The following POGZ variants were observed in gnomAD, a reference collection of about 807,000 sequenced individuals.
The protein encoded by POGZ is pogo transposable element with ZNF domain.
In POGZ, 17 loss-of-function variants were observed where a neutral mutation model predicts 134.6. The observed-to-expected ratio is 0.13, with a 90% CI of 0.09 to 0.19. POGZ has a LOEUF of 0.19. Ranked by LOEUF, POGZ falls within the 10% of genes least tolerant of loss-of-function variation. The probability of loss-of-function intolerance (pLI) is 1.00; values close to 1 mark genes in which losing one functional copy is unlikely to be tolerated. For missense variants in POGZ, 1,306 were observed against 1,769.7 expected (o/e 0.74, Z 4.70); for synonymous variants, 693 against 657.1 (o/e 1.05, Z -0.84).
Position 151,404,559 on chromosome 1 carries a change from G to GT in POGZ, c.*242dup. The GT allele has an allele frequency of 8.4e-7, 1 of 1,184,886 alleles. No individual in the cohort carries two copies. Among genetic ancestry groups the GT allele is most frequent in the Non-Finnish European group, 1.0e-6 (1 of 958,224 alleles). 73.4% of individuals were successfully genotyped at this position (1,184,886 alleles called of 1,614,324 possible). ...AAAAAAAAAAAAGTCACAAAAACCTGTTTTTAGCAGAAGTGAATGACCAAT... is the reference window on the plus strand; with the variant it reads ...AAAAAAAAAAAAGTCACAAAAACCTGTTTTTTAGCAGAAGTGAATGACCAAT... On this transcript the variant is annotated 3_prime_UTR_variant, in exon 19 of 19. Transcript: ENST00000271715.
chr1:151,448,799 A>G (rs1346838637), intron 1 of POGZ, among the ~76,000 whole-genome samples: 1 of 152,178 alleles, frequency 6.6e-6, no homozygotes, highest in Non-Finnish European at 1.5e-5. Context: ...CAGGAGGTGG[A>G]GGCTGAAGTG....
chr1:151,431,205 A>G (rs1005524434), intron 3 of POGZ, among the ~76,000 whole-genome samples: 3 of 152,200 alleles, frequency 2.0e-5, no homozygotes, highest in African/African-American at 7.2e-5. Context: ...AGAAAAACAG[A>G]TGGGTAGGGG....
intron 3 of POGZ, among the ~76,000 whole-genome samples, chr1:151,436,250 G>A (rs1250100920): frequency 1.3e-5 from 2 of 151,988 alleles, no homozygotes; most frequent in African/African-American, 2.4e-5. Context: ...GAGCCACCGC[G>A]CCTGGCCTAG....
intron 10 of POGZ, among the ~76,000 whole-genome samples, chr1:151,423,046 T>G (rs1043065587): frequency 1.3e-5 from 2 of 152,242 alleles, no homozygotes; most frequent in African/African-American, 4.8e-5. Flanking sequence ...TTAGCCTACA[T>G]AAAACCTATC....
intron 1 of POGZ, among the ~76,000 whole-genome samples, chr1:151,458,405 G>A (rs1243909320): frequency 9.2e-5 from 14 of 152,072 alleles, no homozygotes; most frequent in Non-Finnish European, 5.9e-5. Context: ...TGGGGACCGA[G>A]GGAGGAGACT....
chr1:151,410,108 TCTTA>T (rs1199317040), intron 12 of POGZ, among the ~76,000 whole-genome samples: 2 of 152,184 alleles, frequency 1.3e-5, no homozygotes, highest in Non-Finnish European at 2.9e-5. Context: ...TTGAATCCTC[TCTTA>T]TATACTATAT....
intron 10 of POGZ, among the ~76,000 whole-genome samples, chr1:151,421,750 C>T (rs1486427316): frequency 6.6e-6 from 1 of 152,090 alleles, no homozygotes; most frequent in Admixed American, 6.6e-5. Flanking sequence ...AACAGATATT[C>T]TTATTGTTTT....
chr1:151,429,753 T>A, intron 4 of POGZ, 42 bp from the exon 5 acceptor site: 1 of 1,144,294 alleles, frequency 8.7e-7, no homozygotes, highest in Non-Finnish European at 1.3e-6. Context: ...GGAGACCAAT[T>A]AACACTGACA....
chr1:151,451,873 G>C (rs1258405346), intron 1 of POGZ, among the ~76,000 whole-genome samples: 1 of 151,408 alleles, frequency 6.6e-6, no homozygotes, highest in Admixed American at 6.7e-5. Flanking sequence ...AAGGCAGGTG[G>C]ATCACCTCAG....
intron 17 of POGZ, 44 bp from the exon 18 acceptor site, chr1:151,406,675 A>C: frequency 6.4e-7 from 1 of 1,551,406 alleles, no homozygotes; most frequent in East Asian, 2.2e-5. Context: ...CAGTGAAAAA[A>C]TAAGCCCTCC....
In POGZ at chr1:151,408,834, G is replaced by A; in HGVS notation, c.1927-6C>T. 6.5e-7 allele frequency: 1 copy of A among 1,539,812 alleles called. No individual in the cohort carries two copies. The highest frequency in any genetic ancestry group is 8.8e-7 in the Non-Finnish European group (1 of 1,133,522). ...CAGTGATAAACATTTCTCTTCTGAA[G>A]TGGGGGAGGGAAAAAAAGAGACAAA... is the stretch of plus-strand genomic sequence containing the variant. On this transcript the variant is annotated splice_region_variant and splice_polypyrimidine_tract_variant and intron_variant, in intron 12 of 18. Coordinates refer to ENST00000271715, the MANE Select transcript of POGZ (RefSeq NM_015100.4).
At chr1:151,409,551 G>C (rs1310666028) in intron 12 of POGZ, among the ~76,000 whole-genome samples, 1 of 152,154 alleles carries the variant, frequency 6.6e-6, no homozygotes, top group Non-Finnish European at 1.5e-5. Flanking sequence ...TGCCCAGGCT[G>C]GTCTTCAACT....
chr1:151,418,295 A>G (rs1656146934), intron 10 of POGZ, among the ~76,000 whole-genome samples: 1 of 152,142 alleles, frequency 6.6e-6, no homozygotes, highest in African/African-American at 2.4e-5. Context: ...CATGCAGCAC[A>G]TGGTTAGAAC....
At chr1:151,411,812 G>A (rs1040147276) in intron 11 of POGZ, 41 bp from the exon 12 acceptor site, 4 of 1,530,208 alleles carry the variant, frequency 2.6e-6, no homozygotes, top group African/African-American at 2.8e-5. Flanking sequence ...AGAATGAAGT[G>A]AACAACTGAG....
chr1:151,407,959 C>G, intron 15 of POGZ, 141 bp downstream of exon 15: 1 of 618,448 alleles, frequency 1.6e-6, no homozygotes, highest in South Asian at 2.4e-5. Flanking sequence ...TTGCAGTGAG[C>G]CAAGATCATG....
In POGZ at chr1:151,414,961, T is replaced by C. The variant is rs115667257; in HGVS notation, c.1679-2565A>G. On this transcript the variant is annotated intron_variant, in intron 10 of 18. Coordinates refer to ENST00000271715, the MANE Select transcript of POGZ (RefSeq NM_015100.4). Reference sequence around the variant, plus strand: ...ATGAATTGATTCTCCATGGTGGCTGTCCTAACTGTCCCTCTGAGCACCATC... The same window carrying C: ...ATGAATTGATTCTCCATGGTGGCTGCCCTAACTGTCCCTCTGAGCACCATC... 4.8e-3 allele frequency among the ~76,000 whole-genome samples: 730 copies of C among 152,204 alleles called. 8 individuals are homozygous for C. The highest frequency in any genetic ancestry group is 0.017 in the African/African-American group (690 of 41,534).
chr1:151,449,322 C>G (rs1661712417), intron 1 of POGZ, among the ~76,000 whole-genome samples: 1 of 152,108 alleles, frequency 6.6e-6, no homozygotes, highest in Non-Finnish European at 1.5e-5. Flanking sequence ...GTTTGCCCCC[C>G]AGAGGGCATT....
At chr1:151,452,066 C>T (rs1662159985) in intron 1 of POGZ, among the ~76,000 whole-genome samples, 1 of 138,578 alleles carries the variant, frequency 7.2e-6, no homozygotes, top group Non-Finnish European at 1.5e-5. Flanking sequence ...AATTGCACTC[C>T]AGCCTGGGCA....
chr1:151,451,048 C>T (rs182942204), intron 1 of POGZ: 1 of 150,476 alleles, frequency 6.6e-6, no homozygotes, highest in African/African-American at 2.4e-5. Flanking sequence ...AACCCCGTCT[C>T]TACTAAAAAA....
Sources: gnomAD v4.1 joint callset for allele counts (sites outside exome capture counted in the v4.1 genomes callset) on GRCh38, gnomAD v4.1.1 for gene constraint, MANE v1.5 for transcripts, NCBI Gene and HGNC (gene_info 2026-07-23, HGNC 2026-07-21) for gene names.